TFAP2A: variants seen among roughly 807,000 people sequenced by gnomAD.
TFAP2A encodes transcription factor AP-2 alpha.
In TFAP2A, 7 loss-of-function variants were observed where a neutral mutation model predicts 41.5. The observed-to-expected ratio is 0.17, with a 90% CI of 0.10 to 0.32. The LOEUF is 0.32. TFAP2A is among the 10% of genes least tolerant of loss of function. TFAP2A has a pLI of 1.00. For missense variants in TFAP2A, 416 were observed against 563.3 expected (o/e 0.74, Z 2.65); for synonymous variants, 247 against 242.8 (o/e 1.02, Z -0.16).
chr6:10,409,540 GA>G (rs1331627279), intron 2 of TFAP2A: 3 of 271,586 alleles, frequency 1.1e-5, no homozygotes, highest in African/African-American at 2.2e-5. Context: ...CCAGGACAGG[GA>G]GAAATCTCCA....
intron 2 of TFAP2A, among the ~76,000 whole-genome samples, chr6:10,408,479 A>G (rs1021485476): frequency 1.3e-5 from 2 of 152,236 alleles, no homozygotes; most frequent in African/African-American, 4.8e-5. Flanking sequence ...AAGCAAGGAA[A>G]AGATTCAGAG....
In TFAP2A at chr6:10,409,889, G is replaced by A; in HGVS notation, c.486+12C>T. 1 of 1,547,880 alleles carries A rather than the reference G, an allele frequency of 6.5e-7. No individual in the cohort carries two copies. Among genetic ancestry groups the A allele is most frequent in the South Asian group, 1.2e-5 (1 of 84,034 alleles). On this transcript the variant is annotated intron_variant, in intron 2 of 6. Coordinates refer to ENST00000379613, the MANE Select transcript of TFAP2A (RefSeq NM_001372066.1). ...CTGTGTTCCCTCCCGCGCTGGTTGCGCGGCCTCTTACCGGGACCTCCTCGA... is the reference window on the plus strand; with the variant it reads ...CTGTGTTCCCTCCCGCGCTGGTTGCACGGCCTCTTACCGGGACCTCCTCGA...
At chr6:10,399,287 C>T (rs537413023) in intron 6 of TFAP2A, among the ~76,000 whole-genome samples, 14 of 152,242 alleles carry the variant, frequency 9.2e-5, no homozygotes, top group South Asian at 6.2e-4. Context: ...AACAAAAAAA[C>T]AAAACGGGCC....
upstream of TFAP2A, chr6:10,417,256 C>A (rs1478617575): frequency 6.6e-6 from 1 of 152,492 alleles, no homozygotes; most frequent in Admixed American, 6.5e-5. Flanking sequence ...CCATTTCAAC[C>A]CCCGTTTCCA....
At chr6:10,410,718 C>T (rs9466187) in intron 1 of TFAP2A, 3,975 of 224,354 alleles carry the variant, frequency 0.018, 157 homozygotes, top group African/African-American at 0.083. Context: ...AACCTGTCTG[C>T]CACTGCGTTA....
rs780124280 is a variant in TFAP2A at position 10,406,852 on chromosome 6, A to G, written c.487-8T>C. The G allele has an allele frequency of 3.1e-6, 5 of 1,608,244 alleles. No homozygotes were observed. The highest frequency in any genetic ancestry group is 3.4e-6 in the Non-Finnish European group (4 of 1,174,716). ...ACCCGGGTCTTCTACATGCTGCAAC[A>G]AAAGGATACACATGGATGTAAGTGT... On this transcript the variant is annotated splice_region_variant and splice_polypyrimidine_tract_variant and intron_variant, in intron 2 of 6. Coordinates refer to ENST00000379613, the MANE Select transcript of TFAP2A (RefSeq NM_001372066.1).
At chr6:10,409,866 G>A (rs1482252256) in intron 2 of TFAP2A, 35 bp downstream of exon 2, 1 of 1,546,686 alleles carries the variant, frequency 6.5e-7, no homozygotes. Context: ...GTAGGGGGCT[G>A]TGTTCCCTCC....
At chr6:10,405,471 T>C (rs1487192321) in intron 3 of TFAP2A, 1 of 152,206 alleles carries the variant, frequency 6.6e-6, no homozygotes, top group East Asian at 1.9e-4. Flanking sequence ...ATGTGCCCTT[T>C]TGTTAAGTAA....
At chr6:10,409,724 C>CT (rs1399052141) in intron 2 of TFAP2A, 177 bp downstream of exon 2, 7 of 721,456 alleles carry the variant, frequency 9.7e-6, no homozygotes, top group Non-Finnish European at 1.6e-5. Context: ...GTAGAACTCG[C>CT]AACTACTTTG....
At position 10,398,664 on chromosome 6, in the gene TFAP2A, C is replaced by G. The variant is rs765898042; in HGVS notation, c.1073G>C (p.Arg358Pro). The G allele has an allele frequency of 1.9e-6, 3 of 1,613,962 alleles. No individual in the cohort carries two copies. The highest frequency in any genetic ancestry group is 2.5e-6 in the Non-Finnish European group (3 of 1,179,992). ...GGGCCGTGAGTTCCCCAGGGGAGATCGGTCCTGAGCCAGCAGGTCGGTGAA... is the reference window on the plus strand; with the variant it reads ...GGGCCGTGAGTTCCCCAGGGGAGATGGGTCCTGAGCCAGCAGGTCGGTGAA... ...KEFTDLLAQD[R>P]SPLGNSRPNP... Residue 358 changes from arginine to proline, a missense_variant, in exon 7 of 7, where the codon CGA becomes CCA. Arg to Pro is a moderately radical substitution (Grantham distance 103). Transcript: ENST00000379613. The surrounding 1 kb of genome is among the most constrained non-coding windows in gnomAD (Gnocchi z 5.3).
upstream of TFAP2A, chr6:10,415,184 G>T: frequency 6.7e-7 from 1 of 1,499,374 alleles, no homozygotes; most frequent in Non-Finnish European, 8.9e-7. Context: ...GCGAGGAGGA[G>T]GAGGAGGGCG....
intron 1 of TFAP2A, chr6:10,412,148 A>C: frequency 1.0e-6 from 1 of 990,772 alleles, no homozygotes; most frequent in Non-Finnish European, 1.2e-6. Context: ...CATTGACGGG[A>C]GTCTCAGTGT....
chr6:10,416,881 C>G (rs2113235615), upstream of TFAP2A: 1 of 152,520 alleles, frequency 6.6e-6, no homozygotes, highest in East Asian at 1.9e-4. Flanking sequence ...CTTACAGACC[C>G]AGGAAGCCCT....
At chr6:10,411,449 G>A in intron 1 of TFAP2A, 4 of 1,565,174 alleles carry the variant, frequency 2.6e-6, no homozygotes, top group Non-Finnish European at 3.5e-6. Flanking sequence ...GGATGCAAAT[G>A]GAGAGGGTGT....
chr6:10,412,846 A>T (rs2113218898), intron 1 of TFAP2A: 1 of 159,788 alleles, frequency 6.3e-6, no homozygotes, highest in Admixed American at 6.5e-5. Flanking sequence ...CCTCCTCTTG[A>T]GCTTTCCTCG....
At chr6:10,400,809 C>T in intron 5 of TFAP2A, 1 of 691,538 alleles carries the variant, frequency 1.4e-6, no homozygotes, top group African/African-American at 1.8e-5. Flanking sequence ...GCCAAGAAGA[C>T]TTGAAAATGA....
rs78335175 is a variant in TFAP2A at position 10,414,120 on chromosome 6, C to T, written c.51+821G>A. Among the ~76,000 whole-genome samples the T allele has an allele frequency of 1.6e-3, 244 of 152,340 alleles. 3 individuals carry two copies. The East Asian group carries it at 0.035, about 22-fold the overall frequency. On this transcript the variant is annotated intron_variant, in intron 1 of 6. Coordinates refer to ENST00000379613, the MANE Select transcript of TFAP2A (RefSeq NM_001372066.1). ...CTCTGTCGGCCCAGCGGGCTTGCGG[C>T]ACCAGAGGTGGTCTGCAGCCGCGCA...
At chr6:10,412,184 C>G (rs1455122577) in intron 1 of TFAP2A, 10 of 986,776 alleles carry the variant, frequency 1.0e-5, no homozygotes, top group Non-Finnish European at 1.2e-5. Flanking sequence ...GGAGAGGGAG[C>G]GCGAGAGACA....
At chr6:10,413,433 G>A (rs1758089788) in intron 1 of TFAP2A, among the ~76,000 whole-genome samples, 1 of 152,214 alleles carries the variant, frequency 6.6e-6, no homozygotes, top group African/African-American at 2.4e-5. Flanking sequence ...GCCCACACCT[G>A]GAGCTGGGTT....
Sources: gnomAD v4.1 joint callset for allele counts (sites outside exome capture counted in the v4.1 genomes callset) on GRCh38, gnomAD v4.1.1 for gene constraint, Gnocchi (gnomAD v3.1) non-coding constraint, MANE v1.5 for transcripts, NCBI Gene and HGNC (gene_info 2026-07-23, HGNC 2026-07-21) for gene names.